Variants in ITGA9 observed in about 807,000 individuals in gnomAD.
ITGA9 encodes the protein integrin subunit alpha 9.
In ITGA9, 56 loss-of-function variants were observed where a neutral mutation model predicts 127.8. That is an observed-to-expected ratio of 0.44 (90% CI 0.35 to 0.55). The LOEUF (loss-of-function observed/expected upper bound fraction) is 0.55. ITGA9 is among the 20% of genes least tolerant of loss of function. ITGA9 has a pLI of 0.00. For missense variants in ITGA9, 1,196 were observed against 1,347.1 expected (o/e 0.89, Z 1.76); for synonymous variants, 508 against 514.5 (o/e 0.99, Z 0.17).
intron 23 of ITGA9, among the ~76,000 whole-genome samples, chr3:37,775,030 T>C (rs1223868912): frequency 1.3e-5 from 2 of 152,230 alleles, no homozygotes; most frequent in African/African-American, 4.8e-5. Flanking sequence ...CAATAGAATC[T>C]AATTAAACTG....
At chr3:37,471,410 G>A (rs1183204497) in intron 2 of ITGA9, among the ~76,000 whole-genome samples, 6 of 152,226 alleles carry the variant, frequency 3.9e-5, no homozygotes, top group Non-Finnish European at 5.9e-5. Context: ...AAAGACCAGA[G>A]GGAAGGTGAG....
At chr3:37,737,737 A>G (rs1293519727) in intron 20 of ITGA9, among the ~76,000 whole-genome samples, 2 of 152,166 alleles carry the variant, frequency 1.3e-5, no homozygotes, top group Non-Finnish European at 2.9e-5. Context: ...GTGGTTGGAC[A>G]CCCAAGGCAA....
chr3:37,795,614 TAGTC>T (rs1310137985), intron 26 of ITGA9, among the ~76,000 whole-genome samples: 1 of 152,152 alleles, frequency 6.6e-6, no homozygotes, highest in Non-Finnish European at 1.5e-5. Context: ...TCTGTTTTGT[TAGTC>T]AGCGTCCAGT....
At chr3:37,746,058 G>A (rs1357409920) in intron 22 of ITGA9, 1 of 152,156 alleles carries the variant, frequency 6.6e-6, no homozygotes, top group Non-Finnish European at 1.5e-5. Flanking sequence ...CTTATTTATT[G>A]GTATAATGGT....
chr3:37,545,931 A>T (rs1699321915), intron 15 of ITGA9, among the ~76,000 whole-genome samples: 1 of 152,148 alleles, frequency 6.6e-6, no homozygotes, highest in South Asian at 2.1e-4. Context: ...CTTGGTTCTT[A>T]TGCTCACAGA....
At chr3:37,611,996 A>G (rs911873370) in intron 15 of ITGA9, among the ~76,000 whole-genome samples, 4 of 152,034 alleles carry the variant, frequency 2.6e-5, no homozygotes, top group African/African-American at 9.7e-5. Context: ...TTAAAACCCC[A>G]GGGGCCCTGG....
intron 15 of ITGA9, among the ~76,000 whole-genome samples, chr3:37,606,370 C>CCCTGTTCAGTACAGTA (rs902649145): frequency 8.5e-5 from 13 of 152,264 alleles, no homozygotes; most frequent in Admixed American, 2.0e-4. Flanking sequence ...AGTACAGCAG[C>CCCTGTTCAGTACAGTA]CACTGCGCGG....
At chr3:37,609,236 C>T (rs186602600) in intron 15 of ITGA9, among the ~76,000 whole-genome samples, 1 of 152,222 alleles carries the variant, frequency 6.6e-6, no homozygotes, top group African/African-American at 2.4e-5. Flanking sequence ...GAATGTTCTA[C>T]CCTTTAATAG....
intron 14 of ITGA9, among the ~76,000 whole-genome samples, chr3:37,539,699 A>T (rs980385489): frequency 2.0e-5 from 3 of 152,240 alleles, no homozygotes; most frequent in Admixed American, 2.0e-4. Flanking sequence ...TGACATCTAG[A>T]TTGGTGCTTG....
intron 11 of ITGA9, among the ~76,000 whole-genome samples, chr3:37,521,221 G>T (rs1045383462): frequency 1.9e-4 from 29 of 152,178 alleles, no homozygotes; most frequent in African/African-American, 7.0e-4. Context: ...TTCTTTAATG[G>T]CAGATTCTTG....
intron 18 of ITGA9, among the ~76,000 whole-genome samples, chr3:37,700,092 T>A (rs138598228): frequency 1.3e-5 from 2 of 152,052 alleles, no homozygotes; most frequent in Non-Finnish European, 2.9e-5. Context: ...CAAGCAATTC[T>A]CCTCCTCAAC....
At chr3:37,655,851 A>C (rs1273434620) in intron 17 of ITGA9, among the ~76,000 whole-genome samples, 1 of 152,188 alleles carries the variant, frequency 6.6e-6, no homozygotes, top group African/African-American at 2.4e-5. Flanking sequence ...TCTTTAATCC[A>C]TCTTGAGTTA....
chr3:37,469,337 C>T (rs974801762), intron 1 of ITGA9, among the ~76,000 whole-genome samples: 3 of 152,180 alleles, frequency 2.0e-5, no homozygotes, highest in Non-Finnish European at 4.4e-5. Context: ...TTTATAATTC[C>T]GCACTGCTGC....
intron 20 of ITGA9, among the ~76,000 whole-genome samples, chr3:37,739,508 G>T (rs1696405874): frequency 6.6e-6 from 1 of 152,174 alleles, no homozygotes; most frequent in Non-Finnish European, 1.5e-5. Context: ...AATCTCAATT[G>T]TTCCTTTCTT....
chr3:37,650,018 T>C (rs1013197069), intron 16 of ITGA9, among the ~76,000 whole-genome samples: 2 of 152,180 alleles, frequency 1.3e-5, no homozygotes, highest in African/African-American at 2.4e-5. Context: ...GGCAACTCAA[T>C]GGGATTGGAG....
intron 23 of ITGA9, among the ~76,000 whole-genome samples, chr3:37,754,400 G>C (rs1310967641): frequency 2.0e-5 from 3 of 152,212 alleles, no homozygotes; most frequent in South Asian, 2.1e-4. Flanking sequence ...AGCTAACAGG[G>C]AGTGAAGGGC....
At chr3:37,509,296 C>T (rs936610410) in intron 8 of ITGA9, among the ~76,000 whole-genome samples, 1 of 152,158 alleles carries the variant, frequency 6.6e-6, no homozygotes, top group Non-Finnish European at 1.5e-5. Flanking sequence ...ATTAGAGAGT[C>T]CTGCTATTAA....
chr3:37,717,634 A>C (rs191602289), intron 18 of ITGA9, among the ~76,000 whole-genome samples: 1 of 152,234 alleles, frequency 6.6e-6, no homozygotes, highest in African/African-American at 2.4e-5. Context: ...ATCTCATGAG[A>C]ACTCACTCAC....
chr3:37,481,145 C>T (rs1698548434), intron 3 of ITGA9, among the ~76,000 whole-genome samples: 2 of 152,220 alleles, frequency 1.3e-5, no homozygotes, highest in African/African-American at 4.8e-5. Flanking sequence ...CTCTTCCCCT[C>T]ATGCTTCAGG....
Sources: gnomAD v4.1 joint callset for allele counts (sites outside exome capture counted in the v4.1 genomes callset) on GRCh38, gnomAD v4.1.1 for gene constraint, MANE v1.5 for transcripts, NCBI Gene and HGNC (gene_info 2026-07-23, HGNC 2026-07-21) for gene names.